Variants in PHF24 observed in about 807,000 individuals in gnomAD.
PHF24 encodes the protein PHD finger protein 24, also known as Galpha inhibitory interacting protein.
In PHF24, 25 loss-of-function variants were observed where a neutral mutation model predicts 42.6. The ratio of observed to expected loss-of-function variants is 0.59; its 90% CI spans 0.43 to 0.82. The LOEUF (loss-of-function observed/expected upper bound fraction) is 0.82. Ranked by LOEUF, PHF24 falls within the 40% of genes least tolerant of loss-of-function variation. PHF24 has a pLI of 0.00. For missense variants in PHF24, 470 were observed against 538.1 expected, an observed-to-expected ratio of 0.87 and a Z score of 1.25; for synonymous variants, 185 against 204.8, an observed-to-expected ratio of 0.90 and a Z score of 0.83.
the PHF24 span, among the ~76,000 whole-genome samples, chr9:34,929,150 T>A: frequency 6.6e-6 from 1 of 152,198 alleles, no homozygotes; most frequent in South Asian, 2.1e-4. Context: ...TCTGAATATT[T>A]CTATTGCATC....
chr9:34,917,271 A>G, the PHF24 span: 2 of 1,080,010 alleles, frequency 1.9e-6, no homozygotes, highest in Non-Finnish European at 2.9e-6. Context: ...GTATATCTGG[A>G]TCGATGGTAC....
the PHF24 span, among the ~76,000 whole-genome samples, chr9:34,919,264 A>G: frequency 6.6e-6 from 1 of 152,214 alleles, no homozygotes; most frequent in Non-Finnish European, 1.5e-5. Flanking sequence ...GATAATTAGA[A>G]TGTCTATCAC....
the PHF24 span, among the ~76,000 whole-genome samples, chr9:34,897,848 C>G: frequency 6.6e-6 from 1 of 152,124 alleles, no homozygotes; most frequent in Non-Finnish European, 1.5e-5. Context: ...CCTCAAGTCC[C>G]CAAAGTCCAT....
upstream of PHF24, among the ~76,000 whole-genome samples, chr9:34,955,493 A>G (rs1241169979): frequency 6.6e-6 from 1 of 152,216 alleles, no homozygotes; most frequent in Non-Finnish European, 1.5e-5. Flanking sequence ...CCTGGCCAAC[A>G]TGGCGAAACC....
chr9:34,762,593 A>G, the PHF24 span, among the ~76,000 whole-genome samples: 1 of 146,276 alleles, frequency 6.8e-6, no homozygotes, highest in African/African-American at 2.6e-5. Flanking sequence ...GATTCTGGAT[A>G]TTAGCCCTTT....
chr9:34,783,840 A>G, the PHF24 span, among the ~76,000 whole-genome samples: 1 of 151,894 alleles, frequency 6.6e-6, no homozygotes, highest in East Asian at 1.9e-4. Context: ...TACAACCTGA[A>G]CTCCAGTTTA....
the PHF24 span, among the ~76,000 whole-genome samples, chr9:34,849,857 A>C: frequency 6.6e-6 from 1 of 152,042 alleles, no homozygotes; most frequent in African/African-American, 2.4e-5. Flanking sequence ...TCCTTCACTT[A>C]TGAAGCTTAG....
the PHF24 span, chr9:34,832,294 G>GC: frequency 1.7e-6 from 1 of 597,868 alleles, no homozygotes; most frequent in South Asian, 2.2e-5. Flanking sequence ...AGGGTTAGGA[G>GC]CTAGGGTGGG....
Position 34,972,515 on chromosome 9 carries a change from G to A in PHF24, c.548G>A (p.Trp183Ter). ...GAGATGGCCCACACAGAAACAGGCT[G>A]GAGCTGCCACTACTGTGTAAGTCTG... Residue 183 changes from tryptophan (W) to a stop codon, truncating the protein, a stop_gained, in exon 3 of 8, where the codon TGG becomes TAG. Coordinates refer to ENST00000242315, the Ensembl canonical transcript of PHF24. LOFTEE classifies it high-confidence loss of function. 6.2e-7 allele frequency: 1 copy of A among 1,611,146 alleles called. No homozygotes were observed. The highest frequency in any genetic ancestry group is 8.5e-7 in the Non-Finnish European group (1 of 1,178,626).
the PHF24 span, among the ~76,000 whole-genome samples, chr9:34,886,675 T>C: frequency 6.6e-6 from 1 of 152,268 alleles, no homozygotes; most frequent in Non-Finnish European, 1.5e-5. Context: ...CAGAGACCAG[T>C]CCTTAGATCT....
the PHF24 span, among the ~76,000 whole-genome samples, chr9:34,894,228 C>T: frequency 6.6e-6 from 1 of 152,120 alleles, no homozygotes; most frequent in African/African-American, 2.4e-5. Context: ...CTACTGTGAC[C>T]CTAGCCCAAA....
At chr9:34,801,803 A>G in the PHF24 span, among the ~76,000 whole-genome samples, 1 of 150,374 alleles carries the variant, frequency 6.7e-6, no homozygotes, top group Non-Finnish European at 1.5e-5. Context: ...GCAAACTAAC[A>G]CCAGAACAGA....
the PHF24 span, among the ~76,000 whole-genome samples, chr9:34,675,645 C>T: frequency 6.6e-6 from 1 of 152,160 alleles, no homozygotes; most frequent in Non-Finnish European, 1.5e-5. Context: ...GTCCTATCCC[C>T]TGGAGCTTGA....
At chr9:34,822,288 A>T in the PHF24 span, among the ~76,000 whole-genome samples, 1 of 152,178 alleles carries the variant, frequency 6.6e-6, no homozygotes, top group African/African-American at 2.4e-5. Flanking sequence ...CTTCTGCCTG[A>T]AGGACTTTCT....
chr9:34,904,463 C>G, the PHF24 span, among the ~76,000 whole-genome samples: 1 of 152,048 alleles, frequency 6.6e-6, no homozygotes, highest in Non-Finnish European at 1.5e-5. Flanking sequence ...AATGCTTTTT[C>G]TGCATCTATT....
the PHF24 span, among the ~76,000 whole-genome samples, chr9:34,845,828 C>G: frequency 1.3e-5 from 2 of 148,440 alleles, no homozygotes; most frequent in African/African-American, 2.5e-5. Context: ...CAGTTCCCAC[C>G]TATGAGTGAG....
At chr9:34,853,594 C>T in the PHF24 span, among the ~76,000 whole-genome samples, 5 of 151,214 alleles carry the variant, frequency 3.3e-5, no homozygotes, top group African/African-American at 4.9e-5. Flanking sequence ...TTTGGGAGGC[C>T]GAGGTGGGCG....
chr9:34,723,097 C>T, the PHF24 span: 1 of 1,082,298 alleles, frequency 9.2e-7, no homozygotes, highest in Non-Finnish European at 1.3e-6. Context: ...TCTGTCCCAC[C>T]TGCACATTTA....
the PHF24 span, among the ~76,000 whole-genome samples, chr9:34,784,787 T>C: frequency 1.3e-5 from 2 of 152,226 alleles, no homozygotes. Flanking sequence ...AGTTTCAAGA[T>C]AGTGAAAGGA....
Sources: allele counts gnomAD v4.1 joint callset (sites outside exome capture counted in the v4.1 genomes callset), GRCh38; gene constraint gnomAD v4.1.1; transcripts MANE v1.5; gene names NCBI Gene and HGNC (gene_info 2026-07-23, HGNC 2026-07-21).